The following TRIM5 variants were observed in gnomAD, a reference collection of about 807,000 sequenced individuals.
TRIM5 encodes the protein tripartite motif containing 5, also known as tripartite motif-containing protein 5.
A neutral mutation model predicts 35.6 loss-of-function variants in TRIM5; 31 were observed. The observed-to-expected ratio is 0.87, with a 90% CI of 0.65 to 1.18. The LOEUF (loss-of-function observed/expected upper bound fraction) is 1.18. Among genes scored for constraint, TRIM5 ranks in the 50% most tolerant of loss-of-function variants. The probability of loss-of-function intolerance (pLI) is 0.00; values close to 1 mark genes in which losing one functional copy is unlikely to be tolerated. For missense variants in TRIM5, 609 were observed against 591.6 expected (o/e 1.03, Z -0.31); for synonymous variants, 243 against 215.6 (o/e 1.13, Z -1.11).
At chr11:5,598,394 A>C in the TRIM5 span, among the ~76,000 whole-genome samples, 1 of 152,196 alleles carries the variant, frequency 6.6e-6, no homozygotes, top group African/African-American at 2.4e-5. Flanking sequence ...TTCTCTGTCT[A>C]AAGAGAGTAT....
At chr11:5,593,296 T>A in the TRIM5 span, among the ~76,000 whole-genome samples, 1 of 152,218 alleles carries the variant, frequency 6.6e-6, no homozygotes, top group Non-Finnish European at 1.5e-5. Context: ...TTTGTTCCCA[T>A]CAGCTCCCAG....
At chr11:5,682,846 G>A (rs937538141) in intron 1 of TRIM5, among the ~76,000 whole-genome samples, 4 of 151,976 alleles carry the variant, frequency 2.6e-5, no homozygotes, top group Non-Finnish European at 2.9e-5. Context: ...CACTTTGGCG[G>A]CACTTGAGGA....
the TRIM5 span, among the ~76,000 whole-genome samples, chr11:5,622,961 G>A: frequency 7.2e-5 from 11 of 152,290 alleles, no homozygotes; most frequent in Middle Eastern, 3.4e-3. Flanking sequence ...CCGCAAAGGC[G>A]GGACAGCTGA....
the TRIM5 span, chr11:5,603,175 G>C: frequency 6.4e-7 from 1 of 1,553,038 alleles, no homozygotes. Flanking sequence ...ATCCAGGACT[G>C]GGCAGTCAGT....
Position 5,679,922 on chromosome 11 carries a change from T to C in TRIM5, c.256A>G (p.Ser86Gly). The C allele has an allele frequency of 6.2e-7, 1 of 1,614,104 alleles. No individual in the cohort carries two copies. Among genetic ancestry groups the C allele is most frequent in the Non-Finnish European group, 8.5e-7 (1 of 1,180,036 alleles). ...IVEKLREVKL[S>G]PEGQKVDHCA... ...TGATCAACTTTCTGCCCCTCTGGGC[T>C]CAACTTGACCTCCCTGAGCTTCTCC... The change falls in exon 2 of 8, where the codon AGC becomes GGC. Residue 86 changes from serine (S) to glycine (G), a missense_variant. Ser to Gly is a moderately conservative substitution (Grantham distance 56). Coordinates refer to ENST00000380034, the MANE Select transcript of TRIM5 (RefSeq NM_033034.3).
chr11:5,643,710 A>G, the TRIM5 span: 2 of 1,570,440 alleles, frequency 1.3e-6, no homozygotes, highest in Non-Finnish European at 1.7e-6. Context: ...AAGCTCTTGA[A>G]TTTTCTCATT....
the TRIM5 span, among the ~76,000 whole-genome samples, chr11:5,658,049 T>A: frequency 6.6e-6 from 1 of 152,186 alleles, no homozygotes; most frequent in African/African-American, 2.4e-5. Flanking sequence ...TCCTGGGGCC[T>A]GGGCCCACAG....
chr11:5,603,733 C>T, the TRIM5 span: 4 of 1,612,942 alleles, frequency 2.5e-6, no homozygotes, highest in Non-Finnish European at 2.5e-6. Flanking sequence ...CCAGGAGTAC[C>T]AGGTGAGACC....
chr11:5,635,789 C>T, the TRIM5 span, among the ~76,000 whole-genome samples: 1 of 151,870 alleles, frequency 6.6e-6, no homozygotes, highest in Non-Finnish European at 1.5e-5. Flanking sequence ...CTTTTGTCTT[C>T]TTTTTTTGTT....
At chr11:5,679,717 G>C in intron 2 of TRIM5, 44 bp downstream of exon 2, 1 of 1,511,894 alleles carries the variant, frequency 6.6e-7, no homozygotes, top group Non-Finnish European at 8.9e-7. Context: ...TTTTCCATCT[G>C]GTCCCATTTT....
chr11:5,621,171 G>A, the TRIM5 span, among the ~76,000 whole-genome samples: 1,744 of 152,228 alleles, frequency 0.011, 29 homozygotes, highest in African/African-American at 0.041. Context: ...TGCAATGCCC[G>A]AGGCTCTGGA....
the TRIM5 span, chr11:5,610,745 C>G: frequency 6.2e-7 from 1 of 1,606,038 alleles, no homozygotes; most frequent in Non-Finnish European, 8.5e-7. Context: ...TGTCCCCGTT[C>G]TCATCTGCTG....
At chr11:5,605,049 G>A in the TRIM5 span, 1 of 492,960 alleles carries the variant, frequency 2.0e-6, no homozygotes. Flanking sequence ...AGAGGAGGCT[G>A]ATGCAGAGGT....
At chr11:5,681,401 G>A (rs780565746) in intron 1 of TRIM5, among the ~76,000 whole-genome samples, 59 of 152,126 alleles carry the variant, frequency 3.9e-4, no homozygotes, top group Non-Finnish European at 7.1e-4. Flanking sequence ...TAAGCTATAC[G>A]TCTACGTATA....
chr11:5,667,056 G>C (rs1590228220), intron 5 of TRIM5, among the ~76,000 whole-genome samples: 1 of 152,064 alleles, frequency 6.6e-6, no homozygotes, highest in African/African-American at 2.4e-5. Flanking sequence ...AAGAGAACTA[G>C]ATGTAGGTAA....
At chr11:5,610,701 C>T in the TRIM5 span, 1 of 1,575,290 alleles carries the variant, frequency 6.3e-7, no homozygotes, top group Non-Finnish European at 8.6e-7. Context: ...CCAACCACTT[C>T]CTGTGTTTCC....
At chr11:5,634,617 G>A in the TRIM5 span, 1 of 1,603,952 alleles carries the variant, frequency 6.2e-7, no homozygotes, top group Non-Finnish European at 8.5e-7. Context: ...ACTCTCTCTT[G>A]TCCATCCTTG....
the TRIM5 span, among the ~76,000 whole-genome samples, chr11:5,615,576 TG>T: frequency 5.4e-3 from 505 of 93,550 alleles, no homozygotes; most frequent in Middle Eastern, 0.01. Context: ...TCTTGTTTTT[TG>T]TTTTTTTTTT....
At position 5,663,258 on chromosome 11, in the gene TRIM5, TTTA is replaced by T. The variant is rs1850895869; in HGVS notation, c.*1548_*1550del. On this transcript the variant is annotated 3_prime_UTR_variant, in exon 8 of 8. Transcript: ENST00000380034. ...CTTTTAAAAAACTACATCAGCTAAT[TTTA>T]TTATAATTATTTTTTACAATTAATA... 9 of 951,848 alleles carry T rather than the reference TTTA, an allele frequency of 9.5e-6. No individual in the cohort carries two copies. The highest frequency in any genetic ancestry group is 5.4e-4 in the Middle Eastern group (1 of 1,860). 59.0% of individuals were successfully genotyped at this position (951,848 alleles called of 1,614,324 possible).
Sources: gnomAD v4.1 joint callset for allele counts (sites outside exome capture counted in the v4.1 genomes callset) on GRCh38, gnomAD v4.1.1 for gene constraint, MANE v1.5 for transcripts, NCBI Gene and HGNC (gene_info 2026-07-23, HGNC 2026-07-21) for gene names.